SKI: variants seen among roughly 807,000 people sequenced by gnomAD.
SKI encodes the protein SKI proto-oncogene.
SKI carries 23 observed loss-of-function variants against 59.3 expected under a neutral mutation model. The ratio of observed to expected loss-of-function variants is 0.39; its 90% CI spans 0.28 to 0.55. The LOEUF (loss-of-function observed/expected upper bound fraction) is 0.55. Among genes scored for constraint, SKI ranks in the 20% least tolerant of loss-of-function variants. The pLI is 0.67. For synonymous variants in SKI, 673 were observed against 488.6 expected (o/e 1.38, Z -4.98); for missense variants, 1,017 against 1,038.9 (o/e 0.98, Z 0.29).
intron 1 of SKI, among the ~76,000 whole-genome samples, chr1:2,262,017 C>T (rs1415658157): frequency 8.2e-6 from 1 of 122,186 alleles, no homozygotes; most frequent in Non-Finnish European, 1.7e-5. Context: ...GGAGTGGACG[C>T]CCTCGCTCCT....
chr1:2,283,783 C>T (rs779026811), intron 1 of SKI, among the ~76,000 whole-genome samples: 21 of 152,206 alleles, frequency 1.4e-4, no homozygotes, highest in South Asian at 4.1e-4. Flanking sequence ...ACGGGAGGCC[C>T]GTCCACTAGA....
intron 1 of SKI, among the ~76,000 whole-genome samples, chr1:2,230,845 G>A (rs1638620468): frequency 6.6e-6 from 1 of 152,162 alleles, no homozygotes; most frequent in South Asian, 2.1e-4. Context: ...GTGAATAGAT[G>A]CTCCAGCCCG....
At chr1:2,293,243 C>T (rs918462523) in intron 1 of SKI, among the ~76,000 whole-genome samples, 52 of 152,262 alleles carry the variant, frequency 3.4e-4, no homozygotes, top group African/African-American at 1.1e-3. Flanking sequence ...GGTTGGCGAT[C>T]GGGACTCACC....
At position 2,282,442 on chromosome 1, in the gene SKI, G is replaced by A. The variant is rs887542860; in HGVS notation, c.970-20536G>A. On this transcript the variant is annotated intron_variant, in intron 1 of 6. Transcript: ENST00000378536. The stretch of plus-strand genomic sequence containing the variant: ...GATGCCCGAGAAGACAGGCGGTGGC[G>A]GAGATCTTCAGAGAGAGGACGCCTG... Among the ~76,000 whole-genome samples the A allele has an allele frequency of 1.4e-4, 15 of 106,064 alleles. 1 individual carries two copies. The highest frequency in any genetic ancestry group is 8.8e-4 in the South Asian group (2 of 2,268). 69.6% of individuals were successfully genotyped at this position (106,064 alleles called of 152,430 possible). A position where few individuals can be genotyped will look rare whatever the true frequency, so the allele number is the denominator to read the frequency against.
At chr1:2,262,383 C>T (rs533478492) in intron 1 of SKI, among the ~76,000 whole-genome samples, 16 of 148,640 alleles carry the variant, frequency 1.1e-4, no homozygotes, top group African/African-American at 4.0e-4. Flanking sequence ...GGAGTGGACA[C>T]CCTCGCTCCT....
intron 1 of SKI, among the ~76,000 whole-genome samples, chr1:2,253,090 T>C: frequency 8.8e-6 from 1 of 113,198 alleles, no homozygotes; most frequent in South Asian, 3.5e-4. Context: ...AGTGAGACCC[T>C]GTCTGAAAAA....
At position 2,259,974 on chromosome 1, in the gene SKI, A is replaced by G. The variant is rs555012772; in HGVS notation, c.969+30239A>G. On this transcript the variant is annotated intron_variant, in intron 1 of 6. Transcript: ENST00000378536. ...TGTCACAAAGAAAGCGGCTGTGAACATTCGGGTACAAGTTGTTGTCGGGAT... is the reference window on the plus strand; with the variant it reads ...TGTCACAAAGAAAGCGGCTGTGAACGTTCGGGTACAAGTTGTTGTCGGGAT... Among the ~76,000 whole-genome samples, 11 of 152,354 alleles carry G rather than the reference A, an allele frequency of 7.2e-5. No individual in the cohort carries two copies. The South Asian group carries it at 2.1e-3, about 29-fold the overall frequency.
chr1:2,250,467 A>G (rs1639120787), intron 1 of SKI, among the ~76,000 whole-genome samples: 1 of 152,124 alleles, frequency 6.6e-6, no homozygotes. Context: ...GGGTCTTTTT[A>G]TTTTGAGAAA....
chr1:2,295,979 C>T (rs371967108), intron 1 of SKI, among the ~76,000 whole-genome samples: 1 of 152,208 alleles, frequency 6.6e-6, no homozygotes, highest in Non-Finnish European at 1.5e-5. Context: ...CTGTGTTAAG[C>T]TTCCGAGGAC....
At chr1:2,240,655 G>A in intron 1 of SKI, 1 of 985,394 alleles carries the variant, frequency 1.0e-6, no homozygotes, top group Non-Finnish European at 1.2e-6. Flanking sequence ...AGAAAACTTG[G>A]AATTCTTCGA....
chr1:2,292,016 C>T (rs1569834511), intron 1 of SKI, among the ~76,000 whole-genome samples: 1 of 152,166 alleles, frequency 6.6e-6, no homozygotes, highest in Non-Finnish European at 1.5e-5. Flanking sequence ...ATATTAATGG[C>T]ACTTACAAAA....
At position 2,268,785 on chromosome 1, in the gene SKI, G is replaced by A. The variant is rs911580295; in HGVS notation, c.970-34193G>A. Among the ~76,000 whole-genome samples the A allele has an allele frequency of 2.6e-5, 4 of 152,194 alleles. No homozygotes were observed. Among genetic ancestry groups the A allele is most frequent in the Non-Finnish European group, 2.9e-5 (2 of 68,030 alleles). The stretch of plus-strand genomic sequence containing the variant: ...GGGTGTGGGGACTGGTGGGGACAGC[G>A]ACTGTGCCTTCTGGCCCCACCCAGA... On this transcript the variant is annotated intron_variant, in intron 1 of 6. Coordinates refer to ENST00000378536, the MANE Select transcript of SKI (RefSeq NM_003036.4). The surrounding 1 kb of genome is among the most constrained non-coding windows in gnomAD (Gnocchi z 5.0).
intron 6 of SKI, 151 bp from the exon 7 acceptor site, chr1:2,306,426 C>T (rs1057139005): frequency 1.0e-5 from 10 of 985,412 alleles, no homozygotes; most frequent in Admixed American, 5.1e-5. Flanking sequence ...CCCTGCGTCT[C>T]GTGAGCCTGT....
At position 2,229,220 on chromosome 1, in the gene SKI, C is replaced by T; in HGVS notation, c.454C>T (p.Arg152Cys). The change falls in exon 1 of 7, where the codon CGC (arginine) becomes TGC (cysteine). Residue 152 changes from arginine (R) to cysteine (C), a missense_variant. Arg to Cys is a radical substitution (Grantham distance 180, BLOSUM62 -3). Coordinates refer to ENST00000378536, the MANE Select transcript of SKI (RefSeq NM_003036.4). The surrounding 1 kb of genome is among the most constrained non-coding windows in gnomAD (Gnocchi z 6.3). The stretch of plus-strand genomic sequence containing the variant: ...CGACGAGCTCCACATCTACTGCTCG[C>T]GCTGCACGGCCGACCAGCTGGAGAT... ...VCDELHIYCS[R>C]CTADQLEILK... The T allele has an allele frequency of 6.2e-7, 1 of 1,608,490 alleles. No homozygotes were observed. The highest frequency in any genetic ancestry group is 8.5e-7 in the Non-Finnish European group (1 of 1,178,040).
intron 1 of SKI, among the ~76,000 whole-genome samples, chr1:2,241,530 C>G (rs1638872814): frequency 6.6e-6 from 1 of 152,102 alleles, no homozygotes; most frequent in Admixed American, 6.5e-5. Flanking sequence ...GTAGCTGGGA[C>G]TACAGGTGCC....
intron 5 of SKI, among the ~76,000 whole-genome samples, chr1:2,305,076 C>G (rs1251183595): frequency 6.6e-6 from 1 of 152,184 alleles, no homozygotes; most frequent in African/African-American, 2.4e-5. Context: ...GCCTGGTGTT[C>G]CAGAAGGCGG....
At chr1:2,230,766 A>G (rs1039041020) in intron 1 of SKI, among the ~76,000 whole-genome samples, 14 of 152,198 alleles carry the variant, frequency 9.2e-5, no homozygotes, top group Admixed American at 3.9e-4. Context: ...AGAATGCTGC[A>G]TTGGCTCAGC....
intron 1 of SKI, among the ~76,000 whole-genome samples, chr1:2,260,541 T>TC (rs1639365461): frequency 1.6e-5 from 2 of 125,318 alleles, no homozygotes; most frequent in East Asian, 2.2e-4. Context: ...TTTTCTTTTT[T>TC]TTTTTTTTTT....
intron 1 of SKI, among the ~76,000 whole-genome samples, chr1:2,280,018 C>T (rs368591073): frequency 3.4e-4 from 52 of 152,248 alleles, no homozygotes; most frequent in African/African-American, 8.9e-4. Context: ...AGGAGAAGCG[C>T]GAGGCATGGG....
Sources: gnomAD v4.1 joint callset for allele counts (sites outside exome capture counted in the v4.1 genomes callset) on GRCh38, gnomAD v4.1.1 for gene constraint, Gnocchi (gnomAD v3.1) non-coding constraint, MANE v1.5 for transcripts, NCBI Gene and HGNC (gene_info 2026-07-23, HGNC 2026-07-21) for gene names.